Variants in DNAAF11 observed in about 807,000 individuals in gnomAD.
DNAAF11 encodes the protein leucine rich repeat containing 6.
Under a neutral mutation model 60.8 loss-of-function variants are expected in DNAAF11, and 45 were observed. The observed-to-expected ratio is 0.74, with a 90% CI of 0.58 to 0.95. DNAAF11 has a LOEUF of 0.95. Ranked by LOEUF, DNAAF11 falls within the 40% of genes least tolerant of loss-of-function variation. The probability of loss-of-function intolerance (pLI) is 0.00; values close to 1 mark genes in which losing one functional copy is unlikely to be tolerated. For missense variants in DNAAF11, 546 were observed against 546.2 expected, an observed-to-expected ratio of 1.00 and a Z score of 0.00; for synonymous variants, 191 against 183.5, an observed-to-expected ratio of 1.04 and a Z score of -0.33.
intron 4 of DNAAF11, among the ~76,000 whole-genome samples, chr8:132,633,929 C>G (rs190098683): frequency 3.3e-5 from 5 of 152,116 alleles, no homozygotes; most frequent in African/African-American, 1.2e-4. Context: ...TCATTTTAGC[C>G]CAGTGAAACC....
intron 3 of DNAAF11, among the ~76,000 whole-genome samples, chr8:132,640,004 C>A (rs943766305): frequency 1.3e-5 from 2 of 152,046 alleles, no homozygotes; most frequent in Non-Finnish European, 2.9e-5. Flanking sequence ...TGTAAGCTAC[C>A]CTAAACCTAT....
At chr8:132,631,106 A>G (rs548069206) in intron 5 of DNAAF11, among the ~76,000 whole-genome samples, 8 of 152,358 alleles carry the variant, frequency 5.3e-5, no homozygotes, top group African/African-American at 1.9e-4. Context: ...ACATGGATTC[A>G]ATAAATATTT....
chr8:132,577,656 A>ACTTTTTTAT (rs1814887708), intron 11 of DNAAF11, among the ~76,000 whole-genome samples: 1 of 152,150 alleles, frequency 6.6e-6, no homozygotes, highest in Admixed American at 6.6e-5. Flanking sequence ...TTGACATGGC[A>ACTTTTTTAT]CTTTTTTATT....
chr8:132,648,849 C>G (rs200920468), intron 3 of DNAAF11, among the ~76,000 whole-genome samples: 3 of 151,888 alleles, frequency 2.0e-5, no homozygotes, highest in Non-Finnish European at 4.4e-5. Flanking sequence ...CACTGCTCAA[C>G]GAAATAAAAG....
At chr8:132,657,893 G>A (rs1823740517) in intron 2 of DNAAF11, among the ~76,000 whole-genome samples, 1 of 152,146 alleles carries the variant, frequency 6.6e-6, no homozygotes, top group Non-Finnish European at 1.5e-5. Context: ...GTAGAGCTAG[G>A]AAAGTTGACT....
intron 2 of DNAAF11, among the ~76,000 whole-genome samples, chr8:132,657,346 T>A (rs929339917): frequency 3.9e-5 from 6 of 152,226 alleles, no homozygotes; most frequent in Non-Finnish European, 7.3e-5. Context: ...CTTGGAGGGT[T>A]CTTATCTCTT....
chr8:132,630,221 A>G (rs971090482), intron 5 of DNAAF11, among the ~76,000 whole-genome samples: 1 of 152,242 alleles, frequency 6.6e-6, no homozygotes, highest in Non-Finnish European at 1.5e-5. Context: ...CTCCTACCAA[A>G]TATCAAGATA....
At chr8:132,621,666 C>T (rs1273449695) in intron 7 of DNAAF11, among the ~76,000 whole-genome samples, 1 of 152,104 alleles carries the variant, frequency 6.6e-6, no homozygotes, top group Non-Finnish European at 1.5e-5. Flanking sequence ...TGCTCTATCC[C>T]CAGGGCCTAG....
chr8:132,589,992 T>C (rs188944631), intron 10 of DNAAF11, among the ~76,000 whole-genome samples: 4 of 152,342 alleles, frequency 2.6e-5, no homozygotes, highest in African/African-American at 9.6e-5. Flanking sequence ...GTGCAGACCT[T>C]TGCAGTACTT....
chr8:132,697,922 C>T, the DNAAF11 span, among the ~76,000 whole-genome samples: 1 of 152,000 alleles, frequency 6.6e-6, no homozygotes, highest in Non-Finnish European at 1.5e-5. Context: ...ACTTCTAGGG[C>T]CAGTGATACA....
At chr8:132,675,618 A>T, upstream of DNAAF11, 2 of 1,041,522 alleles carry the variant, frequency 1.9e-6, no homozygotes, top group Non-Finnish European at 2.7e-6. Flanking sequence ...CGGGGACTCT[A>T]CGGCGGCCGC....
At chr8:132,576,903 C>T (rs181208466) in intron 11 of DNAAF11, among the ~76,000 whole-genome samples, 65 of 152,280 alleles carry the variant, frequency 4.3e-4, no homozygotes, top group African/African-American at 1.5e-3. Context: ...AGGGGTCCAT[C>T]AGAGGCTGAA....
At chr8:132,693,344 C>T in the DNAAF11 span, among the ~76,000 whole-genome samples, 1 of 152,086 alleles carries the variant, frequency 6.6e-6, no homozygotes, top group African/African-American at 2.4e-5. Flanking sequence ...CTTTATTCAA[C>T]AAATATAGAA....
intron 5 of DNAAF11, 62 bp downstream of exon 5, chr8:132,632,676 AAG>A: frequency 8.9e-7 from 1 of 1,119,666 alleles, no homozygotes; most frequent in Non-Finnish European, 1.4e-6. Context: ...ACAACTTGGA[AAG>A]AGAATACAGT....
At chr8:132,615,120 G>GA (rs778865895) in intron 7 of DNAAF11, 23 bp from the exon 8 acceptor site, 1 of 1,474,352 alleles carries the variant, frequency 6.8e-7, no homozygotes, top group South Asian at 1.2e-5. Context: ...CATTTGGTGG[G>GA]AAAAAAGAGA....
the DNAAF11 span, among the ~76,000 whole-genome samples, chr8:132,695,738 G>T: frequency 1.3e-5 from 1 of 76,462 alleles, no homozygotes; most frequent in Non-Finnish European, 3.3e-5. Context: ...AGAAAGGCCC[G>T]GATGTGTGTT....
rs529648529 is a variant in DNAAF11 at position 132,570,615 on chromosome 8, G to A, written c.*1691C>T. Among the ~76,000 whole-genome samples, 3 of 152,256 alleles carry A rather than the reference G, an allele frequency of 2.0e-5. No homozygotes were observed. The highest frequency in any genetic ancestry group is 4.8e-5 in the African/African-American group (2 of 41,550). ...TGTTTTCCAGAATTTCCTTCCCTAC[G>A]TGGTTCCTGGGTAGAGTTGACCATG... On this transcript the variant is annotated 3_prime_UTR_variant, in exon 12 of 12. Coordinates refer to ENST00000620350, the MANE Select transcript of DNAAF11 (RefSeq NM_012472.6).
At chr8:132,626,519 T>C (rs1292444186) in intron 5 of DNAAF11, among the ~76,000 whole-genome samples, 1 of 152,230 alleles carries the variant, frequency 6.6e-6, no homozygotes, top group Non-Finnish European at 1.5e-5. Context: ...ATATGAGATA[T>C]TCAACATTTG....
intron 11 of DNAAF11, among the ~76,000 whole-genome samples, chr8:132,583,312 T>C (rs1257095499): frequency 6.6e-6 from 1 of 152,092 alleles, no homozygotes; most frequent in African/African-American, 2.4e-5. Flanking sequence ...CACTCTAAGT[T>C]TCCCCCTCCC....
Sources: allele counts gnomAD v4.1 joint callset (sites outside exome capture counted in the v4.1 genomes callset), GRCh38; gene constraint gnomAD v4.1.1; transcripts MANE v1.5; gene names NCBI Gene and HGNC (gene_info 2026-07-23, HGNC 2026-07-21).